Variants in KCNQ1OT1 observed in about 807,000 individuals in gnomAD.
KCNQ1OT1 encodes the protein KCNQ1 antisense RNA 2 (non-protein coding).
In KCNQ1OT1 at chr11:2,642,805, T is replaced by A; in HGVS notation, n.57190A>T. ...TTTTTAATGGAGGCATTTATTACAA[T>A]AAACTTTCCTCTTAGCATTGCTTTT... On this transcript the variant is annotated non_coding_transcript_exon_variant, in exon 1 of 1. Transcript: ENST00000597346. The surrounding 1 kb of genome is among the most constrained non-coding windows in gnomAD (Gnocchi z 4.3). 2.5e-6 allele frequency: 1 copy of A among 397,906 alleles called. No individual in the cohort carries two copies. The highest frequency in any genetic ancestry group is 4.4e-6 in the Non-Finnish European group (1 of 225,688). The allele number at this position is 397,906 out of a possible 1,614,324, so 24.6% of individuals were successfully genotyped here.
Position 2,659,777 on chromosome 11 carries a change from A to G in KCNQ1OT1, n.40218T>C. ...AGTGGTTGGTATTGTCAGGTTTTGA[A>G]TTTTTTTTTTAATTTATGGAATTTC... On this transcript the variant is annotated non_coding_transcript_exon_variant, in exon 1 of 1. Transcript: ENST00000597346. The surrounding 1 kb of genome is among the most constrained non-coding windows in gnomAD (Gnocchi z 4.3). The G allele has an allele frequency of 2.5e-6, 1 of 394,360 alleles. No individual in the cohort carries two copies. Among genetic ancestry groups the G allele is most frequent in the Non-Finnish European group, 4.5e-6 (1 of 223,988 alleles). The allele number at this position is 394,360 out of a possible 1,614,324, so 24.4% of individuals were successfully genotyped here. A position where few individuals can be genotyped will look rare whatever the true frequency, so the allele number is the denominator to read the frequency against.
chr11:2,657,711 C>T lies in KCNQ1OT1; in HGVS notation n.42284G>A, dbSNP rs1365687151. On this transcript the variant is annotated non_coding_transcript_exon_variant, in exon 1 of 1. Coordinates refer to ENST00000597346, the Ensembl canonical transcript of KCNQ1OT1. This position sits in a 1 kb window ranked among gnomAD's most constrained non-coding sequence, Gnocchi z 4.8. ...TTCCAAGATCCCATCTAGGATCGAT[C>T]ATTACATTTATTGTCATCTCTGATC... 12 of 398,604 alleles carry T rather than the reference C, an allele frequency of 3.0e-5. No individual in the cohort carries two copies. Among genetic ancestry groups the T allele is most frequent in the Non-Finnish European group, 4.9e-5 (11 of 226,062 alleles). 24.7% of individuals were successfully genotyped at this position (398,604 alleles called of 1,614,324 possible).
chr11:2,682,423 T>C lies in KCNQ1OT1; in HGVS notation n.17572A>G. 2.5e-6 allele frequency: 1 copy of C among 398,638 alleles called. No individual in the cohort carries two copies. 24.7% of individuals were successfully genotyped at this position (398,638 alleles called of 1,614,324 possible). ...GGCTGTTTCTATTCAGTGTTTTATCTTCAGTGCTTAATCCATATGGAGCCT... is the reference window on the plus strand; with the variant it reads ...GGCTGTTTCTATTCAGTGTTTTATCCTCAGTGCTTAATCCATATGGAGCCT... On this transcript the variant is annotated non_coding_transcript_exon_variant, in exon 1 of 1. Transcript: ENST00000597346. This position sits in a 1 kb window ranked among gnomAD's most constrained non-coding sequence, Gnocchi z 5.8.
chr11:2,642,855 G>C lies in KCNQ1OT1; in HGVS notation n.57140C>G. The stretch of plus-strand genomic sequence containing the variant: ...TGCAGTATCCCTTAAGTTTCAGAAT[G>C]TTGTGCTTCTATTTTCACTTGTTTC... On this transcript the variant is annotated non_coding_transcript_exon_variant, in exon 1 of 1. Transcript: ENST00000597346. This position sits in a 1 kb window ranked among gnomAD's most constrained non-coding sequence, Gnocchi z 4.3. 2.5e-6 allele frequency: 1 copy of C among 397,746 alleles called. No homozygotes were observed. The highest frequency in any genetic ancestry group is 4.4e-6 in the Non-Finnish European group (1 of 225,650). The allele number at this position is 397,746 out of a possible 1,614,324, so 24.6% of individuals were successfully genotyped here.
chr11:2,609,199 C>A (rs1848934096), exon 1 of KCNQ1OT1: 4 of 398,164 alleles, frequency 1.0e-5, no homozygotes, highest in Non-Finnish European at 1.3e-5. Flanking sequence ...TTAAATGTAT[C>A]CCATAAGTTC....
exon 1 of KCNQ1OT1, chr11:2,640,785 C>T: frequency 7.5e-6 from 3 of 398,480 alleles, no homozygotes; most frequent in East Asian, 7.1e-5. Context: ...TTTATTCTAA[C>T]TAGCTGTGTA....
At position 2,670,359 on chromosome 11, in the gene KCNQ1OT1, AG is replaced by A; in HGVS notation, n.29635del. 2.5e-6 allele frequency: 1 copy of A among 398,560 alleles called. No individual in the cohort carries two copies. The highest frequency in any genetic ancestry group is 4.4e-6 in the Non-Finnish European group (1 of 226,056). The allele number at this position is 398,560 out of a possible 1,614,324, so 24.7% of individuals were successfully genotyped here. The stretch of plus-strand genomic sequence containing the variant: ...CAGACTCAGTGGCTTTCAGATGGTT[AG>A]TATAGGCTGAAATTCCAAGAGCATT... On this transcript the variant is annotated non_coding_transcript_exon_variant, in exon 1 of 1. Transcript: ENST00000597346. This position sits in a 1 kb window ranked among gnomAD's most constrained non-coding sequence, Gnocchi z 4.9.
chr11:2,678,967 C>A lies in KCNQ1OT1; in HGVS notation n.21028G>T, dbSNP rs956131065. ...GCTAACTCAATAGAGAACAAAAGAG[C>A]AAATAGGCCTAATTCAAGAATTTTT... On this transcript the variant is annotated non_coding_transcript_exon_variant, in exon 1 of 1. Coordinates refer to ENST00000597346, the Ensembl canonical transcript of KCNQ1OT1. This position sits in a 1 kb window ranked among gnomAD's most constrained non-coding sequence, Gnocchi z 4.9. 3.3e-5 allele frequency: 13 copies of A among 398,410 alleles called. No individual in the cohort carries two copies. Among genetic ancestry groups the A allele is most frequent in the Non-Finnish European group, 4.4e-5 (10 of 226,062 alleles). 24.7% of individuals were successfully genotyped at this position (398,410 alleles called of 1,614,324 possible).
exon 1 of KCNQ1OT1, chr11:2,625,305 C>T: frequency 2.5e-6 from 1 of 398,586 alleles, no homozygotes; most frequent in Non-Finnish European, 4.4e-6. Context: ...GGCTGGAATG[C>T]AGTGGCATGA....
At chr11:2,618,332 G>A (rs1226527479) in exon 1 of KCNQ1OT1, 1 of 398,434 alleles carries the variant, frequency 2.5e-6, no homozygotes, top group African/African-American at 2.1e-5. Context: ...AAAATTCAAT[G>A]TTTTAACAAA....
exon 1 of KCNQ1OT1, chr11:2,699,739 G>A (rs1244765610): frequency 8.8e-6 from 3 of 341,332 alleles, no homozygotes; most frequent in African/African-American, 2.6e-5. Flanking sequence ...GAACTGCGCC[G>A]AGGAGCCCCC....
At chr11:2,640,965 G>C (rs962399518) in exon 1 of KCNQ1OT1, 3 of 398,596 alleles carry the variant, frequency 7.5e-6, no homozygotes, top group African/African-American at 6.2e-5. Context: ...ATGACCTCCA[G>C]CTCCATTCAT....
chr11:2,686,288 G>A (rs1010217642), exon 1 of KCNQ1OT1: 2 of 398,710 alleles, frequency 5.0e-6, no homozygotes, highest in Non-Finnish European at 8.8e-6. Flanking sequence ...GGCTTGGGAG[G>A]CCAGACCACA....
Position 2,678,081 on chromosome 11 carries a change from T to C in KCNQ1OT1, n.21914A>G, listed in dbSNP as rs1850324664. 5.0e-6 allele frequency: 2 copies of C among 398,336 alleles called. No individual in the cohort carries two copies. Among genetic ancestry groups the C allele is most frequent in the Admixed American group, 8.8e-5 (2 of 22,716 alleles). 24.7% of individuals were successfully genotyped at this position (398,336 alleles called of 1,614,324 possible). A position where few individuals can be genotyped will look rare whatever the true frequency, so the allele number is the denominator to read the frequency against. On this transcript the variant is annotated non_coding_transcript_exon_variant, in exon 1 of 1. Transcript: ENST00000597346. This position sits in a 1 kb window ranked among gnomAD's most constrained non-coding sequence, Gnocchi z 4.9. ...TTTGGACTTTGTAAAATACCTTGTCTTACTGATTTGTAGAAACTTGCTTTG... is the reference window on the plus strand; with the variant it reads ...TTTGGACTTTGTAAAATACCTTGTCCTACTGATTTGTAGAAACTTGCTTTG...
exon 1 of KCNQ1OT1, chr11:2,630,836 AC>A: frequency 2.5e-6 from 1 of 398,490 alleles, no homozygotes; most frequent in Non-Finnish European, 4.4e-6. Flanking sequence ...TATCTGAAGG[AC>A]AGCTTTGCTG....
rs1341132160 is a variant in KCNQ1OT1 at position 2,653,184 on chromosome 11, T to C, written n.46811A>G. The C allele has an allele frequency of 7.5e-6, 3 of 398,610 alleles. No individual in the cohort carries two copies. The East Asian group carries it at 1.1e-4, about 14-fold the overall frequency. The allele number at this position is 398,610 out of a possible 1,614,324, so 24.7% of individuals were successfully genotyped here. A position where few individuals can be genotyped will look rare whatever the true frequency, so the allele number is the denominator to read the frequency against. ...CCTTAGGAAATCCCTTTCCAAGAGT[T>C]CCCTGTGCTGTTGCAGGGCTAGGGC... is the stretch of plus-strand genomic sequence containing the variant. On this transcript the variant is annotated non_coding_transcript_exon_variant, in exon 1 of 1. Transcript: ENST00000597346. This position sits in a 1 kb window ranked among gnomAD's most constrained non-coding sequence, Gnocchi z 5.3.
Position 2,620,614 on chromosome 11 carries a change from A to T in KCNQ1OT1, n.79381T>A, listed in dbSNP as rs1849154248. On this transcript the variant is annotated non_coding_transcript_exon_variant, in exon 1 of 1. Transcript: ENST00000597346. This position sits in a 1 kb window ranked among gnomAD's most constrained non-coding sequence, Gnocchi z 4.5. ...ACTGATGGGCATCTAAGTGGATTCC[A>T]TGTCTTTGCTGTTGTGAATAGTGCT... is the stretch of plus-strand genomic sequence containing the variant. The T allele has an allele frequency of 2.5e-6, 1 of 397,632 alleles. No homozygotes were observed. Among genetic ancestry groups the T allele is most frequent in the African/African-American group, 2.1e-5 (1 of 48,600 alleles). The allele number at this position is 397,632 out of a possible 1,614,324, so 24.6% of individuals were successfully genotyped here.
chr11:2,614,868 T>C (rs866281539), exon 1 of KCNQ1OT1: 1 of 398,310 alleles, frequency 2.5e-6, no homozygotes, highest in Non-Finnish European at 4.4e-6. Context: ...TTTTAGATTG[T>C]TTGGGGCCCT....
chr11:2,688,970 G>T (rs2133889683), exon 1 of KCNQ1OT1: 3 of 398,798 alleles, frequency 7.5e-6, no homozygotes, highest in African/African-American at 4.1e-5. Flanking sequence ...TGAGAGTAGG[G>T]GTCTGATCTG....
Sources: allele counts gnomAD v4.1 joint callset, GRCh38; gene constraint gnomAD v4.1.1; non-coding constraint Gnocchi (gnomAD v3.1); transcripts MANE v1.5; gene names NCBI Gene and HGNC (gene_info 2026-07-23, HGNC 2026-07-21).